The following LRRC7 variants were observed in gnomAD, a reference collection of about 807,000 sequenced individuals.
LRRC7 encodes the protein leucine rich repeat containing 7, also known as leucine-rich repeat-containing protein 7.
A neutral mutation model predicts 175.7 loss-of-function variants in LRRC7; 23 were observed. The ratio of observed to expected loss-of-function variants is 0.13; its 90% CI spans 0.09 to 0.19. The LOEUF (loss-of-function observed/expected upper bound fraction) is 0.19. Among genes scored for constraint, LRRC7 ranks in the 10% least tolerant of loss-of-function variants. The probability of loss-of-function intolerance (pLI) is 1.00; values close to 1 mark genes in which losing one functional copy is unlikely to be tolerated. For missense variants in LRRC7, 1,354 were observed against 1,904.7 expected, an observed-to-expected ratio of 0.71 and a Z score of 5.38; for synonymous variants, 685 against 680.9, an observed-to-expected ratio of 1.01 and a Z score of -0.09.
intron 3 of LRRC7, among the ~76,000 whole-genome samples, chr1:69,781,909 AAAAGAAGAAAG>A (rs1673768514): frequency 2.2e-5 from 3 of 138,298 alleles, no homozygotes; most frequent in Admixed American, 1.4e-4. Flanking sequence ...GAAAGAAAGA[AAAAGAAGAAAG>A]AAAGAAAGAA....
In LRRC7 at chr1:69,922,116, G is replaced by C. The variant is rs963036481; in HGVS notation, c.648-9391G>C. ...AATTTTTGTATTTTTAGAGAGACGGGGGTTTCACCATGTTGGCCAGGCTGG... is the reference window on the plus strand; with the variant it reads ...AATTTTTGTATTTTTAGAGAGACGGCGGTTTCACCATGTTGGCCAGGCTGG... On this transcript the variant is annotated intron_variant, in intron 7 of 26. Transcript: ENST00000651989. Among the ~76,000 whole-genome samples, 3 of 152,174 alleles carry C rather than the reference G, an allele frequency of 2.0e-5. No homozygotes were observed. In the East Asian group the frequency reaches 5.8e-4, roughly 29 times the overall value.
At chr1:69,981,837 C>T (rs1653464431) in intron 9 of LRRC7, among the ~76,000 whole-genome samples, 1 of 152,158 alleles carries the variant, frequency 6.6e-6, no homozygotes, top group Non-Finnish European at 1.5e-5. Flanking sequence ...TAAGCATTCT[C>T]TCTGTGTTGT....
rs1188650538 is a variant in LRRC7 at position 70,143,909 on chromosome 1, C to T, written c.*22022C>T. On this transcript the variant is annotated 3_prime_UTR_variant, in exon 27 of 27. Coordinates refer to ENST00000651989, the MANE Select transcript of LRRC7 (RefSeq NM_001370785.2). The stretch of plus-strand genomic sequence containing the variant: ...TTAAAAGTACTTTTTAGTTGAACTA[C>T]ATATTGATGTAAATAAAACTGAATG... 2.0e-5 allele frequency: 3 copies of T among 152,088 alleles called. No individual in the cohort carries two copies. In the East Asian group the frequency reaches 5.8e-4, roughly 29 times the overall value. The allele number at this position is 152,088 out of a possible 1,614,324, so 9.4% of individuals were successfully genotyped here.
In LRRC7 at chr1:69,633,036, T is replaced by C. The variant is rs541339743; in HGVS notation, c.3-45345T>C. On this transcript the variant is annotated intron_variant, in intron 1 of 26. Transcript: ENST00000651989. ...ATTTACAATTGTACTATTGAAAACTTGTTAAGTCTTTCTTTGTGGGATAAT... is the reference window on the plus strand; with the variant it reads ...ATTTACAATTGTACTATTGAAAACTCGTTAAGTCTTTCTTTGTGGGATAAT... Among the ~76,000 whole-genome samples, 270 of 152,156 alleles carry C rather than the reference T, an allele frequency of 1.8e-3. 1 individual carries two copies. The highest frequency in any genetic ancestry group is 6.2e-3 in the African/African-American group (258 of 41,568).
intron 7 of LRRC7, among the ~76,000 whole-genome samples, chr1:69,876,447 A>G (rs1270760652): frequency 6.6e-6 from 1 of 152,202 alleles, no homozygotes; most frequent in African/African-American, 2.4e-5. Flanking sequence ...TGGCATAAAA[A>G]ATACTATTAC....
At chr1:69,980,690 A>G (rs527978643) in intron 9 of LRRC7, among the ~76,000 whole-genome samples, 2 of 152,160 alleles carry the variant, frequency 1.3e-5, no homozygotes, top group East Asian at 3.9e-4. Context: ...CCTTTGGAGT[A>G]TATTTGTCAT....
chr1:69,700,404 AT>A (rs1230084082), intron 2 of LRRC7, among the ~76,000 whole-genome samples: 1 of 152,210 alleles, frequency 6.6e-6, no homozygotes, highest in African/African-American at 2.4e-5. Flanking sequence ...TAAATTCTTC[AT>A]ATATTGATCT....
intron 14 of LRRC7, among the ~76,000 whole-genome samples, chr1:70,018,481 G>C (rs1220290723): frequency 6.6e-6 from 1 of 152,024 alleles, no homozygotes; most frequent in Non-Finnish European, 1.5e-5. Flanking sequence ...TTGCCCAGTT[G>C]AATAGGTTTT....
chr1:69,679,168 T>C (rs1241068871), intron 2 of LRRC7, among the ~76,000 whole-genome samples: 1 of 152,092 alleles, frequency 6.6e-6, no homozygotes, highest in Non-Finnish European at 1.5e-5. Flanking sequence ...TTTAAGTTTA[T>C]AAAATGATCC....
At chr1:70,113,128 A>G (rs953979084) in intron 26 of LRRC7, among the ~76,000 whole-genome samples, 2 of 152,196 alleles carry the variant, frequency 1.3e-5, no homozygotes, top group African/African-American at 2.4e-5. Flanking sequence ...AGTCTAAATG[A>G]AATGTCTGTC....
Position 69,686,879 on chromosome 1 carries a change from A to T in LRRC7, c.100+8401A>T, listed in dbSNP as rs74501215. 2.5e-3 allele frequency among the ~76,000 whole-genome samples: 379 copies of T among 151,854 alleles called. 1 individual carries two copies. Among genetic ancestry groups the T allele is most frequent in the African/African-American group, 8.9e-3 (367 of 41,420 alleles). On this transcript the variant is annotated intron_variant, in intron 2 of 26. Coordinates refer to ENST00000651989, the MANE Select transcript of LRRC7 (RefSeq NM_001370785.2). Reference sequence around the variant, plus strand: ...AAAAATGTCCTTTAGATGCAAAAATAAAAAAAAGGTTAAATATAAAGGGAT... The same window carrying T: ...AAAAATGTCCTTTAGATGCAAAAATTAAAAAAAGGTTAAATATAAAGGGAT...
chr1:69,933,033 G>C (rs1647551556), intron 8 of LRRC7, among the ~76,000 whole-genome samples: 1 of 152,198 alleles, frequency 6.6e-6, no homozygotes, highest in South Asian at 2.1e-4. Flanking sequence ...GAATGAGACT[G>C]TGCCCTGTCC....
chr1:69,595,861 C>T (rs1646821134), intron 1 of LRRC7, among the ~76,000 whole-genome samples: 1 of 152,014 alleles, frequency 6.6e-6, no homozygotes, highest in Non-Finnish European at 1.5e-5. Context: ...TCTCCAGTCA[C>T]TTTTCCTTAA....
chr1:70,062,428 A>G (rs4649908), intron 23 of LRRC7, among the ~76,000 whole-genome samples: 5,215 of 152,204 alleles, frequency 0.034, 192 homozygotes, highest in African/African-American at 0.1. Context: ...ATATTATCAT[A>G]TTATTTTTTT....
intron 2 of LRRC7, among the ~76,000 whole-genome samples, chr1:69,693,478 G>T (rs563378469): frequency 6.6e-6 from 1 of 152,168 alleles, no homozygotes; most frequent in Admixed American, 6.5e-5. Flanking sequence ...GACCTAGGGA[G>T]GAGTTGACAT....
intron 1 of LRRC7, chr1:69,607,678 GTGTTT>G (rs1647833770): frequency 6.6e-6 from 1 of 152,074 alleles, no homozygotes; most frequent in Non-Finnish European, 1.5e-5. Flanking sequence ...TAGTGTGTGT[GTGTTT>G]ACTAGAAGCC....
intron 4 of LRRC7, among the ~76,000 whole-genome samples, chr1:69,801,062 CT>C (rs1250541791): frequency 6.6e-6 from 1 of 151,664 alleles, no homozygotes; most frequent in Non-Finnish European, 1.5e-5. Context: ...TTTGAACCAT[CT>C]TCACACACTT....
chr1:70,077,224 T>G (rs1035505780), intron 24 of LRRC7, among the ~76,000 whole-genome samples: 15 of 152,152 alleles, frequency 9.9e-5, no homozygotes, highest in African/African-American at 3.4e-4. Flanking sequence ...TCCAAGGGCT[T>G]TAAACATCTC....
rs1293378778 is a variant in LRRC7 at position 69,823,214 on chromosome 1, T to C, written c.422-2534T>C. On this transcript the variant is annotated intron_variant, in intron 4 of 26. Transcript: ENST00000651989. Reference sequence around the variant, plus strand: ...TGAAATTACTGAAATATTCTTGAATTGTTCCTTTCGTATTTTCTATCTTTT... The same window carrying C: ...TGAAATTACTGAAATATTCTTGAATCGTTCCTTTCGTATTTTCTATCTTTT... 1.2e-4 allele frequency among the ~76,000 whole-genome samples: 18 copies of C among 152,344 alleles called. No individual in the cohort carries two copies. The East Asian group carries it at 3.1e-3, about 26-fold the overall frequency.
Sources: gnomAD v4.1 joint callset for allele counts (sites outside exome capture counted in the v4.1 genomes callset) on GRCh38, gnomAD v4.1.1 for gene constraint, MANE v1.5 for transcripts, NCBI Gene and HGNC (gene_info 2026-07-23, HGNC 2026-07-21) for gene names.